Variants in THOC7 observed in about 807,000 individuals in gnomAD.
THOC7 encodes the protein NIF3L1-binding protein 1.
A neutral mutation model predicts 33.1 loss-of-function variants in THOC7; 22 were observed. That is an observed-to-expected ratio of 0.66 (90% CI 0.47 to 0.95). The LOEUF is 0.95. Ranked by LOEUF, THOC7 falls within the 40% of genes least tolerant of loss-of-function variation. The probability of loss-of-function intolerance (pLI) is 0.00; values close to 1 mark genes in which losing one functional copy is unlikely to be tolerated. For missense variants in THOC7, 184 were observed against 245.3 expected, an observed-to-expected ratio of 0.75 and a Z score of 1.67; for synonymous variants, 77 against 76.8, an observed-to-expected ratio of 1.00 and a Z score of -0.01.
intron 1 of THOC7, among the ~76,000 whole-genome samples, chr3:63,844,562 A>C (rs1490605470): frequency 6.6e-6 from 1 of 152,230 alleles, no homozygotes; most frequent in Admixed American, 6.5e-5. Flanking sequence ...GGAACCTTGA[A>C]GAGGTGACTG....
intron 1 of THOC7, among the ~76,000 whole-genome samples, chr3:63,862,313 G>C (rs577398797): frequency 6.6e-6 from 1 of 152,142 alleles, no homozygotes. Context: ...GATTAACTTC[G>C]AGGAGGCTTT....
chr3:63,836,556 CAG>C (rs1188300075), intron 4 of THOC7, among the ~76,000 whole-genome samples, 198 bp from the exon 5 acceptor site: 6 of 151,884 alleles, frequency 4.0e-5, no homozygotes, highest in African/African-American at 7.2e-5. Context: ...GTGTTCCAAA[CAG>C]GGGTTTTAGC....
Position 63,840,906 on chromosome 3 carries a change from A to C in THOC7, c.20-1133T>G, listed in dbSNP as rs1324187775. ...CAAATAAAATTAAAAACACACTACCATTCTGACCCCATAATTCCAATTCTA... is the reference window on the plus strand; with the variant it reads ...CAAATAAAATTAAAAACACACTACCCTTCTGACCCCATAATTCCAATTCTA... On this transcript the variant is annotated intron_variant, in intron 1 of 7. Transcript: ENST00000295899. Among the ~76,000 whole-genome samples, 3 of 152,236 alleles carry C rather than the reference A, an allele frequency of 2.0e-5. No homozygotes were observed. In the East Asian group the frequency reaches 5.8e-4, roughly 29 times the overall value.
intron 7 of THOC7, 95 bp from the exon 8 acceptor site, chr3:63,834,294 A>G: frequency 1.6e-6 from 2 of 1,224,096 alleles, no homozygotes; most frequent in East Asian, 2.4e-5. Context: ...TTATTAGCCA[A>G]TACAATTAAA....
chr3:63,836,681 TACTC>T (rs1176931139), intron 4 of THOC7, among the ~76,000 whole-genome samples: 1 of 152,028 alleles, frequency 6.6e-6, no homozygotes, highest in African/African-American at 2.4e-5. Flanking sequence ...AGAAGGATCT[TACTC>T]ACTAGTTGTC....
chr3:63,841,756 A>C (rs780215760), intron 1 of THOC7, among the ~76,000 whole-genome samples: 3 of 152,242 alleles, frequency 2.0e-5, no homozygotes, highest in Non-Finnish European at 2.9e-5. Flanking sequence ...CAAATAAAAC[A>C]TAGTCCTTGA....
intron 4 of THOC7, among the ~76,000 whole-genome samples, chr3:63,837,028 AC>A (rs1701648910): frequency 6.6e-6 from 1 of 151,942 alleles, no homozygotes; most frequent in South Asian, 2.1e-4. Flanking sequence ...CCAAAACTTC[AC>A]CATACACATT....
At chr3:63,842,131 T>A (rs965138237) in intron 1 of THOC7, among the ~76,000 whole-genome samples, 1 of 152,158 alleles carries the variant, frequency 6.6e-6, no homozygotes, top group African/African-American at 2.4e-5. Context: ...AAAACTCATG[T>A]TGAAATTTAA....
chr3:63,855,101 T>A (rs997708826), intron 1 of THOC7, among the ~76,000 whole-genome samples: 5 of 152,168 alleles, frequency 3.3e-5, no homozygotes, highest in African/African-American at 4.8e-5. Flanking sequence ...GTATACTGTC[T>A]ATGAGGCAGG....
At chr3:63,858,426 A>G (rs966394892) in intron 1 of THOC7, among the ~76,000 whole-genome samples, 2 of 152,168 alleles carry the variant, frequency 1.3e-5, no homozygotes, top group Non-Finnish European at 2.9e-5. Flanking sequence ...TCACATTGCA[A>G]CAAGTACATA....
upstream of THOC7, among the ~76,000 whole-genome samples, chr3:63,864,181 A>G (rs1489020643): frequency 6.7e-6 from 1 of 148,784 alleles, no homozygotes; most frequent in East Asian, 2.1e-4. Flanking sequence ...GGACGCCGCC[A>G]GGGCTGCGGG....
chr3:63,852,291 G>A (rs1254485176), intron 1 of THOC7, among the ~76,000 whole-genome samples: 2 of 152,190 alleles, frequency 1.3e-5, no homozygotes, highest in East Asian at 3.8e-4. Flanking sequence ...GCAGTGCTGA[G>A]CAGTATAGAT....
chr3:63,844,067 A>G (rs542162918), intron 1 of THOC7, among the ~76,000 whole-genome samples: 2 of 152,364 alleles, frequency 1.3e-5, no homozygotes, highest in Admixed American at 1.3e-4. Context: ...ATGAACCTAG[A>G]GAACATTATG....
chr3:63,836,194 C>A, intron 5 of THOC7, 107 bp downstream of exon 5: 1 of 996,208 alleles, frequency 1.0e-6, no homozygotes. Context: ...ATATCTGACC[C>A]CTCCTTTTGA....
intron 1 of THOC7, chr3:63,863,042 C>T (rs928016687): frequency 2.0e-5 from 3 of 152,420 alleles, no homozygotes; most frequent in Non-Finnish European, 2.9e-5. Context: ...ATACTGGCTC[C>T]TCCTTACCCC....
chr3:63,842,629 A>T (rs938070436), intron 1 of THOC7, among the ~76,000 whole-genome samples: 5 of 152,206 alleles, frequency 3.3e-5, no homozygotes, highest in African/African-American at 1.2e-4. Flanking sequence ...GTTCTCACTT[A>T]TAAGTGGGAG....
At chr3:63,853,107 C>T (rs534539870) in intron 1 of THOC7, among the ~76,000 whole-genome samples, 16 of 149,826 alleles carry the variant, frequency 1.1e-4, no homozygotes, top group Non-Finnish European at 1.8e-4. Flanking sequence ...GCCTAGATCT[C>T]GCCACTGCAC....
chr3:63,841,101 T>TA (rs1191888797), intron 1 of THOC7, among the ~76,000 whole-genome samples: 8 of 152,206 alleles, frequency 5.3e-5, no homozygotes, highest in African/African-American at 1.9e-4. Flanking sequence ...ATAGTGCAGA[T>TA]ATACTGATAC....
intron 1 of THOC7, among the ~76,000 whole-genome samples, chr3:63,853,014 G>C (rs1042327210): frequency 6.6e-6 from 1 of 152,080 alleles, no homozygotes; most frequent in Non-Finnish European, 1.5e-5. Flanking sequence ...AGCTGGGCGT[G>C]GTGGCACGCA....
Sources: allele counts gnomAD v4.1 joint callset (sites outside exome capture counted in the v4.1 genomes callset), GRCh38; gene constraint gnomAD v4.1.1; transcripts MANE v1.5; gene names NCBI Gene and HGNC (gene_info 2026-07-23, HGNC 2026-07-21).